The following ANKRD28 variants were observed in gnomAD, a reference collection of about 807,000 sequenced individuals.
ANKRD28 encodes serine/threonine-protein phosphatase 6 regulatory ankyrin repeat subunit A.
In ANKRD28, 44 loss-of-function variants were observed where a neutral mutation model predicts 126.5. The ratio of observed to expected loss-of-function variants is 0.35; its 90% CI spans 0.27 to 0.45. The LOEUF (loss-of-function observed/expected upper bound fraction) is 0.45, where lower values mean the gene tolerates loss of function less well. Among genes scored for constraint, ANKRD28 ranks in the 20% least tolerant of loss-of-function variants. The pLI is 1.00. For synonymous variants in ANKRD28, 442 were observed against 468.5 expected (o/e 0.94, Z 0.73); for missense variants, 1,110 against 1,316.6 (o/e 0.84, Z 2.43).
intron 2 of ANKRD28, among the ~76,000 whole-genome samples, chr3:15,780,875 A>C (rs2059506229): frequency 6.6e-6 from 1 of 152,204 alleles, no homozygotes; most frequent in African/African-American, 2.4e-5. Flanking sequence ...CAGATGCAGA[A>C]GAATGAAACT....
At chr3:15,703,498 T>C (rs950463045) in intron 14 of ANKRD28, among the ~76,000 whole-genome samples, 3 of 152,172 alleles carry the variant, frequency 2.0e-5, no homozygotes, top group African/African-American at 7.2e-5. Flanking sequence ...CCAAAAGAGC[T>C]CTCATTCCTT....
Position 15,825,127 on chromosome 3 carries a change from C to T in ANKRD28, c.28-29821G>A, listed in dbSNP as rs377650356. Reference sequence around the variant, plus strand: ...ATCACAGGGCAGAAATCTTAAACTACATTTCCCAGAATCTCTTTTTATGGA... The same window carrying T: ...ATCACAGGGCAGAAATCTTAAACTATATTTCCCAGAATCTCTTTTTATGGA... On this transcript the variant is annotated intron_variant, in intron 1 of 27. Coordinates refer to the ANKRD28 transcript ENST00000399451. Among the ~76,000 whole-genome samples, 3 of 152,312 alleles carry T rather than the reference C, an allele frequency of 2.0e-5. No homozygotes were observed. In the East Asian group the frequency reaches 5.8e-4, roughly 29 times the overall value.
rs2060285220 is a variant in ANKRD28, at chr3:15,796,598, T to G, written c.-77A>C. The G allele has an allele frequency of 5.0e-6, 6 of 1,188,546 alleles. No homozygotes were observed. Among genetic ancestry groups the G allele is most frequent in the Non-Finnish European group, 6.4e-6 (6 of 934,348 alleles). 73.6% of individuals were successfully genotyped at this position (1,188,546 alleles called of 1,614,324 possible). ...GAAGAGCACAAGTAGTTTTTCCTCCTCTTCTGTACAACACTTACAAACATT... is the reference window on the plus strand; with the variant it reads ...GAAGAGCACAAGTAGTTTTTCCTCCGCTTCTGTACAACACTTACAAACATT... On this transcript the variant is annotated 5_prime_UTR_variant, in exon 1 of 28. Coordinates refer to ENST00000683139, the MANE Select transcript of ANKRD28 (RefSeq NM_001349278.2).
rs2061252238 is a variant in ANKRD28, at chr3:15,833,526, A to AT, written c.27+25850_27+25851insA. 1.4e-5 allele frequency among the ~76,000 whole-genome samples: 2 copies of AT among 147,248 alleles called. No individual in the cohort carries two copies. Among genetic ancestry groups the AT allele is most frequent in the African/African-American group, 5.0e-5 (2 of 39,684 alleles). On this transcript the variant is annotated intron_variant, in intron 1 of 27. Coordinates refer to the ANKRD28 transcript ENST00000399451. The surrounding 1 kb of genome is among the most constrained non-coding windows in gnomAD (Gnocchi z 4.4). ...ACATATTATGTACTATATATATATAAAATATATACATTATTTTTTATATAT... is the reference window on the plus strand; with the variant it reads ...ACATATTATGTACTATATATATATAATAATATATACATTATTTTTTATATAT...
chr3:15,818,052 T>C (rs2060869041), intron 1 of ANKRD28, among the ~76,000 whole-genome samples: 1 of 152,080 alleles, frequency 6.6e-6, no homozygotes, highest in Admixed American at 6.6e-5. Flanking sequence ...CAACAAAATA[T>C]GTACAGATTA....
intron 26 of ANKRD28, 97 bp downstream of exon 26, chr3:15,676,877 T>C (rs929464364): frequency 2.0e-6 from 2 of 977,336 alleles, no homozygotes; most frequent in East Asian, 2.5e-5. Context: ...CTATGACTAA[T>C]GAAACCTATT....
At chr3:15,834,657 T>C (rs1035621622) in intron 1 of ANKRD28, among the ~76,000 whole-genome samples, 1 of 152,196 alleles carries the variant, frequency 6.6e-6, no homozygotes, top group Non-Finnish European at 1.5e-5. Flanking sequence ...ATTTTTCTCC[T>C]TTCATTTCAT....
At chr3:15,795,331 A>G in intron 1 of ANKRD28, 25 bp from the exon 2 acceptor site, 1 of 1,502,226 alleles carries the variant, frequency 6.7e-7, no homozygotes, top group South Asian at 1.1e-5. Flanking sequence ...AGTAATAAAA[A>G]CATTAGAATC....
intron 4 of ANKRD28, among the ~76,000 whole-genome samples, chr3:15,740,646 C>T (rs1462446810): frequency 3.9e-5 from 6 of 152,186 alleles, no homozygotes; most frequent in African/African-American, 1.4e-4. Context: ...GCCTTATCCA[C>T]TCCCATTTTG....
chr3:15,793,269 A>C (rs1307005637), intron 2 of ANKRD28, among the ~76,000 whole-genome samples: 1 of 152,184 alleles, frequency 6.6e-6, no homozygotes, highest in Admixed American at 6.5e-5. Flanking sequence ...ACCATCTTAA[A>C]TTCAAATAAT....
In ANKRD28 at chr3:15,797,220, A is replaced by C. The variant is rs1358962766; in HGVS notation, c.-699T>G. 9.1e-6 allele frequency: 9 copies of C among 985,010 alleles called. No individual in the cohort carries two copies. Among genetic ancestry groups the C allele is most frequent in the African/African-American group, 1.7e-5 (1 of 57,170 alleles). The allele number at this position is 985,010 out of a possible 1,614,324, so 61.0% of individuals were successfully genotyped here. ...GCAAAAAACAAAAACAAAAAAAAAA[A>C]AACCACTCTGCATTAATAGCAAAGC... On this transcript the variant is annotated 5_prime_UTR_variant, in exon 1 of 28. Coordinates refer to ENST00000683139, the MANE Select transcript of ANKRD28 (RefSeq NM_001349278.2).
chr3:15,690,379 C>A (rs952176275), intron 17 of ANKRD28, among the ~76,000 whole-genome samples, 159 bp from the exon 18 acceptor site: 2 of 152,158 alleles, frequency 1.3e-5, no homozygotes. Flanking sequence ...AACTACAGAT[C>A]TTTCTAATAA....
chr3:15,803,511 A>C (rs542950264), intron 1 of ANKRD28, among the ~76,000 whole-genome samples: 88 of 151,762 alleles, frequency 5.8e-4, no homozygotes, highest in Non-Finnish European at 9.7e-4. Flanking sequence ...CAGCTACTCA[A>C]GAGGCTGAGG....
intron 14 of ANKRD28, among the ~76,000 whole-genome samples, chr3:15,700,981 A>G (rs961071833): frequency 6.6e-6 from 1 of 152,196 alleles, no homozygotes; most frequent in African/African-American, 2.4e-5. Context: ...ATTCAGTGAT[A>G]ATTTGTTTGG....
chr3:15,850,730 C>G (rs1181665974), intron 1 of ANKRD28, among the ~76,000 whole-genome samples: 1 of 152,186 alleles, frequency 6.6e-6, no homozygotes, highest in Admixed American at 6.5e-5. Flanking sequence ...TCTTCCATCT[C>G]TATCCTTTTG....
intron 1 of ANKRD28, among the ~76,000 whole-genome samples, chr3:15,819,780 G>T (rs2060904368): frequency 6.6e-6 from 1 of 152,182 alleles, no homozygotes; most frequent in Admixed American, 6.5e-5. Context: ...CTGCCAGTCT[G>T]TTTTCTTCCA....
At chr3:15,762,440 T>TA (rs2058538150) in intron 3 of ANKRD28, among the ~76,000 whole-genome samples, 1 of 152,134 alleles carries the variant, frequency 6.6e-6, no homozygotes, top group Admixed American at 6.5e-5. Context: ...AAGGTACTTA[T>TA]ATCATATTAA....
intron 1 of ANKRD28, among the ~76,000 whole-genome samples, chr3:15,840,283 A>T (rs2061401246): frequency 6.6e-6 from 1 of 152,222 alleles, no homozygotes; most frequent in South Asian, 2.1e-4. Context: ...TCAAGAAAGT[A>T]ATTCCATTTA....
chr3:15,840,346 A>G (rs1468671825), intron 1 of ANKRD28, among the ~76,000 whole-genome samples: 7 of 152,202 alleles, frequency 4.6e-5, no homozygotes, highest in African/African-American at 1.7e-4. Context: ...AAAGACCTCT[A>G]CAATGAAAAT....
Sources: allele counts gnomAD v4.1 joint callset (sites outside exome capture counted in the v4.1 genomes callset), GRCh38; gene constraint gnomAD v4.1.1; non-coding constraint Gnocchi (gnomAD v3.1); transcripts MANE v1.5; gene names NCBI Gene and HGNC (gene_info 2026-07-23, HGNC 2026-07-21).